ROBO1: variants seen among roughly 807,000 people sequenced by gnomAD.
ROBO1 encodes roundabout homolog 1.
In ROBO1, 149 loss-of-function variants were observed where a neutral mutation model predicts 195.9. The ratio of observed to expected loss-of-function variants is 0.76; its 90% confidence interval spans 0.67 to 0.87. The LOEUF (loss-of-function observed/expected upper bound fraction) is 0.87, where lower values mean the gene tolerates loss of function less well. ROBO1 is among the 40% of genes least tolerant of loss of function. ROBO1 has a pLI of 0.00. For missense variants in ROBO1, 1,933 were observed against 2,068.3 expected, an observed-to-expected ratio of 0.93 and a Z score of 1.27; for synonymous variants, 816 against 733.2, an observed-to-expected ratio of 1.11 and a Z score of -1.82.
intron 5 of ROBO1, among the ~76,000 whole-genome samples, chr3:78,729,982 T>TA (rs975259524): frequency 2.0e-5 from 3 of 152,236 alleles, no homozygotes; most frequent in Non-Finnish European, 4.4e-5. Context: ...GTTTGCTTTT[T>TA]ATCACCTCTT....
At chr3:79,044,682 A>G (rs1440195656) in intron 3 of ROBO1, among the ~76,000 whole-genome samples, 37 of 152,138 alleles carry the variant, frequency 2.4e-4, no homozygotes, top group Non-Finnish European at 8.8e-5. Context: ...CTAAAACTTT[A>G]TAGTGAAACA....
intron 3 of ROBO1, among the ~76,000 whole-genome samples, chr3:79,123,053 T>C (rs984572774): frequency 6.6e-6 from 1 of 152,050 alleles, no homozygotes; most frequent in Non-Finnish European, 1.5e-5. Context: ...GTTTTGTAAC[T>C]AACTCATATC....
intron 3 of ROBO1, among the ~76,000 whole-genome samples, chr3:79,085,718 GC>G (rs2079356456): frequency 1.3e-5 from 2 of 152,190 alleles, no homozygotes; most frequent in Admixed American, 6.5e-5. Flanking sequence ...CTAGGAAGTA[GC>G]AAAATATGAT....
chr3:79,326,865 T>C (rs553202950), intron 2 of ROBO1, among the ~76,000 whole-genome samples: 2 of 152,316 alleles, frequency 1.3e-5, no homozygotes, highest in Admixed American at 1.3e-4. Context: ...TAAATGAATA[T>C]TATTTGTGGG....
At chr3:79,727,249 C>T (rs1702961373) in intron 1 of ROBO1, among the ~76,000 whole-genome samples, 1 of 151,924 alleles carries the variant, frequency 6.6e-6, no homozygotes, top group South Asian at 2.1e-4. Flanking sequence ...GGGATTGCTG[C>T]TACATTAATT....
intron 1 of ROBO1, among the ~76,000 whole-genome samples, chr3:79,679,591 A>G (rs1946883971): frequency 6.6e-6 from 1 of 152,006 alleles, no homozygotes; most frequent in African/African-American, 2.4e-5. Flanking sequence ...TGTTAATTTA[A>G]CTCAATTTAA....
intron 3 of ROBO1, among the ~76,000 whole-genome samples, chr3:78,962,229 C>G (rs1413387754): frequency 6.6e-6 from 1 of 152,180 alleles, no homozygotes; most frequent in Non-Finnish European, 1.5e-5. Context: ...TTTGCCTGTT[C>G]AGGCAAAGTG....
chr3:79,454,114 A>G (rs2039535895), intron 2 of ROBO1, among the ~76,000 whole-genome samples: 1 of 148,664 alleles, frequency 6.7e-6, no homozygotes, highest in Non-Finnish European at 1.5e-5. Context: ...AAAGTTCTAG[A>G]TTAATTAATT....
At chr3:78,993,510 A>T (rs995670131) in intron 3 of ROBO1, among the ~76,000 whole-genome samples, 1 of 152,160 alleles carries the variant, frequency 6.6e-6, no homozygotes, top group African/African-American at 2.4e-5. Flanking sequence ...TATGTAGTTG[A>T]ACCCAGTCAA....
chr3:79,576,936 CATCTAT>C (rs1943505921), intron 2 of ROBO1, among the ~76,000 whole-genome samples: 1 of 152,122 alleles, frequency 6.6e-6, no homozygotes, highest in African/African-American at 2.4e-5. Flanking sequence ...CGACTTGTTC[CATCTAT>C]AACAATAACA....
chr3:79,632,416 G>A (rs1945372375), intron 1 of ROBO1, among the ~76,000 whole-genome samples: 2 of 152,052 alleles, frequency 1.3e-5, no homozygotes, highest in African/African-American at 4.8e-5. Flanking sequence ...ATAAGTAGGA[G>A]CTAAACAACT....
intron 2 of ROBO1, among the ~76,000 whole-genome samples, chr3:79,203,112 A>T (rs1026852916): frequency 2.0e-5 from 3 of 152,190 alleles, no homozygotes; most frequent in African/African-American, 7.2e-5. Context: ...ATCCTGTGAC[A>T]GACTGGAATA....
At chr3:79,264,971 T>A (rs541275568) in intron 2 of ROBO1, among the ~76,000 whole-genome samples, 1 of 152,020 alleles carries the variant, frequency 6.6e-6, no homozygotes, top group African/African-American at 2.4e-5. Context: ...GGATTCTAGG[T>A]TATAATGTCA....
chr3:79,681,730 C>A (rs1946955529), intron 1 of ROBO1, among the ~76,000 whole-genome samples: 1 of 151,916 alleles, frequency 6.6e-6, no homozygotes, highest in South Asian at 2.1e-4. Flanking sequence ...TACTCTGGGG[C>A]ACTGGGCTTC....
intron 2 of ROBO1, among the ~76,000 whole-genome samples, chr3:79,359,367 A>T (rs879260117): frequency 6.6e-6 from 1 of 152,080 alleles, no homozygotes; most frequent in African/African-American, 2.4e-5. Flanking sequence ...TGGACAATAA[A>T]CATTATGAAA....
chr3:79,170,641 G>A (rs1460755141), intron 2 of ROBO1, among the ~76,000 whole-genome samples: 2 of 151,914 alleles, frequency 1.3e-5, no homozygotes, highest in Non-Finnish European at 2.9e-5. Flanking sequence ...TATTTTAGAG[G>A]TAAAAAATGT....
At chr3:79,300,305 C>T (rs1367598921) in intron 2 of ROBO1, among the ~76,000 whole-genome samples, 1 of 152,236 alleles carries the variant, frequency 6.6e-6, no homozygotes, top group African/African-American at 2.4e-5. Context: ...GCGGGTCCTG[C>T]ACTTGGAGCA....
chr3:79,424,239 A>C (rs2038348273), intron 2 of ROBO1, among the ~76,000 whole-genome samples: 1 of 152,132 alleles, frequency 6.6e-6, no homozygotes, highest in African/African-American at 2.4e-5. Flanking sequence ...TGAGGCACTC[A>C]GCTCTGATCT....
At chr3:79,005,335 C>T (rs2077596092) in intron 3 of ROBO1, among the ~76,000 whole-genome samples, 1 of 152,158 alleles carries the variant, frequency 6.6e-6, no homozygotes, top group Non-Finnish European at 1.5e-5. Context: ...AGGAGGGCTG[C>T]CCCTGATAGA....
Sources: gnomAD v4.1 joint callset for allele counts (sites outside exome capture counted in the v4.1 genomes callset) on GRCh38, gnomAD v4.1.1 for gene constraint, MANE v1.5 for transcripts, NCBI Gene and HGNC (gene_info 2026-07-23, HGNC 2026-07-21) for gene names.